CHRM2: variants seen among roughly 807,000 people sequenced by gnomAD.
CHRM2 encodes the protein cholinergic receptor muscarinic 2, also known as muscarinic acetylcholine receptor M2.
A neutral mutation model predicts 25.0 loss-of-function variants in CHRM2; 8 were observed. The ratio of observed to expected loss-of-function variants is 0.32; its 90% CI spans 0.19 to 0.58. CHRM2 has a LOEUF of 0.58. Among genes scored for constraint, CHRM2 ranks in the 20% least tolerant of loss-of-function variants. CHRM2 has a pLI of 0.88. For synonymous variants in CHRM2, 202 were observed against 205.7 expected, an observed-to-expected ratio of 0.98 and a Z score of 0.15; for missense variants, 440 against 567.1, an observed-to-expected ratio of 0.78 and a Z score of 2.28.
intron 2 of CHRM2, among the ~76,000 whole-genome samples, chr7:136,991,338 G>T (rs539183372): frequency 6.6e-6 from 1 of 152,144 alleles, no homozygotes; most frequent in African/African-American, 2.4e-5. Context: ...AGATTCATTG[G>T]TTTTTTGCAT....
At position 137,015,847 on chromosome 7, in the gene CHRM2, G is replaced by T; in HGVS notation, c.982G>T (p.Gly328Cys). 3 of 1,612,976 alleles carry T rather than the reference G, an allele frequency of 1.9e-6. No individual in the cohort carries two copies. Among genetic ancestry groups the T allele is most frequent in the Admixed American group, 1.7e-5 (1 of 59,912 alleles). ...CTCTAAGCAAACATGCATCAGAATT[G>T]GCACCAAGACCCCAAAAAGTGACTC... ...ENSKQTCIRI[G>C]TKTPKSDSCT... The change falls in exon 4 of 4, where the codon GGC becomes TGC. Residue 328 changes from glycine to cysteine, a missense_variant. Physicochemically the swap from Gly to Cys is radical, Grantham distance 159 (BLOSUM62 -3). This residue lies in a region of CHRM2 where 261 missense variants were observed against 261.8 expected (regional missense o/e 1.00). Coordinates refer to ENST00000680005, the MANE Select transcript of CHRM2 (RefSeq NM_001006630.2). The surrounding 1 kb of genome is among the most constrained non-coding windows in gnomAD (Gnocchi z 5.1).
Position 136,905,385 on chromosome 7 carries a change from TAA to T in CHRM2, c.-125+35970_-125+35971del, listed in dbSNP as rs1563057161. On this transcript the variant is annotated intron_variant, in intron 2 of 3. Transcript: ENST00000680005. ...TTCATTTATTTTTGTTCTTATTTTT[TAA>T]AATAAATCTACCTGATTTGTAGCTG... 2.0e-5 allele frequency among the ~76,000 whole-genome samples: 3 copies of T among 151,816 alleles called. No individual in the cohort carries two copies. The East Asian group carries it at 5.8e-4, about 29-fold the overall frequency.
Position 136,880,771 on chromosome 7 carries a change from T to C in CHRM2, c.-125+11353T>C, listed in dbSNP as rs141030561. 1.5e-3 allele frequency among the ~76,000 whole-genome samples: 234 copies of C among 151,944 alleles called. 1 individual carries two copies. Among genetic ancestry groups the C allele is most frequent in the African/African-American group, 5.1e-3 (213 of 41,494 alleles). ...CACCAGAGTGATACATTTGTTTCAA[T>C]TGATGAACTACATTGACACATCAGT... On this transcript the variant is annotated intron_variant, in intron 2 of 3. Coordinates refer to ENST00000680005, the MANE Select transcript of CHRM2 (RefSeq NM_001006630.2).
chr7:136,931,982 C>G (rs1799132388), intron 2 of CHRM2, among the ~76,000 whole-genome samples: 1 of 152,148 alleles, frequency 6.6e-6, no homozygotes. Context: ...TAGAAACCAG[C>G]ACAAAGGACA....
chr7:136,909,415 G>C (rs563841809), intron 2 of CHRM2, among the ~76,000 whole-genome samples: 1 of 151,886 alleles, frequency 6.6e-6, no homozygotes, highest in South Asian at 2.1e-4. Context: ...GCTGTTAAAG[G>C]GTTACTTTAT....
intron 3 of CHRM2, among the ~76,000 whole-genome samples, chr7:137,009,648 A>C (rs1804675024): frequency 6.6e-6 from 1 of 152,060 alleles, no homozygotes; most frequent in Non-Finnish European, 1.5e-5. Context: ...CCAAAAACTG[A>C]GTATTCATAG....
At chr7:136,871,147 C>G (rs544491400) in intron 2 of CHRM2, 1 of 153,476 alleles carries the variant, frequency 6.5e-6, no homozygotes, top group Non-Finnish European at 1.5e-5. Context: ...ACGCAGGGCT[C>G]TGCGGGTGGA....
chr7:136,975,528 T>A (rs927641786), intron 2 of CHRM2, among the ~76,000 whole-genome samples: 1 of 152,190 alleles, frequency 6.6e-6, no homozygotes, highest in African/African-American at 2.4e-5. Flanking sequence ...ACTTTTTAGG[T>A]TGGAAATACT....
At chr7:136,963,542 T>C (rs1801226416) in intron 2 of CHRM2, among the ~76,000 whole-genome samples, 1 of 152,148 alleles carries the variant, frequency 6.6e-6, no homozygotes, top group Admixed American at 6.5e-5. Context: ...TTTTCAAGGA[T>C]GAAAACTGAA....
intron 2 of CHRM2, among the ~76,000 whole-genome samples, chr7:136,955,667 T>C (rs1268368847): frequency 6.6e-6 from 1 of 152,198 alleles, no homozygotes; most frequent in Non-Finnish European, 1.5e-5. Context: ...TACTAGGACG[T>C]ATGGTCATTG....
At chr7:136,977,282 G>C (rs1466195826) in intron 2 of CHRM2, among the ~76,000 whole-genome samples, 1 of 152,084 alleles carries the variant, frequency 6.6e-6, no homozygotes, top group Non-Finnish European at 1.5e-5. Context: ...GATTTCTAAT[G>C]GTACAGGAAG....
chr7:136,920,524 A>T (rs895633087), intron 2 of CHRM2, among the ~76,000 whole-genome samples: 2 of 152,118 alleles, frequency 1.3e-5, no homozygotes, highest in African/African-American at 4.8e-5. Flanking sequence ...ACTGCAGCTT[A>T]GAACATCTCT....
chr7:136,931,816 T>A (rs1039896424), intron 2 of CHRM2, among the ~76,000 whole-genome samples: 3 of 152,222 alleles, frequency 2.0e-5, no homozygotes, highest in African/African-American at 7.2e-5. Flanking sequence ...AAAATACACT[T>A]TGAATCCAGA....
intron 2 of CHRM2, among the ~76,000 whole-genome samples, chr7:136,919,114 T>C (rs1184966469): frequency 1.3e-5 from 2 of 152,120 alleles, no homozygotes; most frequent in African/African-American, 4.8e-5. Context: ...CCCTAAGACA[T>C]GTTATAATAT....
intron 2 of CHRM2, among the ~76,000 whole-genome samples, chr7:136,896,860 G>A (rs921312911): frequency 1.3e-5 from 2 of 152,098 alleles, no homozygotes; most frequent in African/African-American, 4.8e-5. Flanking sequence ...GGTTAGGAAA[G>A]TGAAACGTCA....
intron 2 of CHRM2, among the ~76,000 whole-genome samples, chr7:136,875,796 A>G (rs916953835): frequency 6.6e-6 from 1 of 152,200 alleles, no homozygotes; most frequent in Non-Finnish European, 1.5e-5. Context: ...CCAACTGCAC[A>G]AGGAAAGAAT....
At chr7:136,938,740 G>C (rs1392891791) in intron 2 of CHRM2, among the ~76,000 whole-genome samples, 1 of 151,950 alleles carries the variant, frequency 6.6e-6, no homozygotes, top group African/African-American at 2.4e-5. Flanking sequence ...CCCAGAGCCT[G>C]GGAGGGAGGC....
In CHRM2 at chr7:136,946,651, T is replaced by C. The variant is rs978154256; in HGVS notation, c.-124-45536T>C. Among the ~76,000 whole-genome samples the C allele has an allele frequency of 5.8e-4, 88 of 152,326 alleles. 1 individual carries two copies. The highest frequency in any genetic ancestry group is 2.1e-3 in the African/African-American group (88 of 41,580). On this transcript the variant is annotated intron_variant, in intron 2 of 3. Coordinates refer to ENST00000680005, the MANE Select transcript of CHRM2 (RefSeq NM_001006630.2). ...AATGTATACTTTAGCTTAATACCTG[T>C]ATTTTCTGCGCTTCTTTCTATTTAA...
chr7:136,876,632 C>A lies in CHRM2; in HGVS notation c.-125+7214C>A, dbSNP rs1052102252. Among the ~76,000 whole-genome samples, 3 of 151,992 alleles carry A rather than the reference C, an allele frequency of 2.0e-5. No homozygotes were observed. In the East Asian group the frequency reaches 5.8e-4, roughly 29 times the overall value. ...TTTCCAGCACATGGACAATGAGTAA[C>A]AGCAACAATAAAACTGAGGATCTAC... On this transcript the variant is annotated intron_variant, in intron 2 of 3. Coordinates refer to ENST00000680005, the MANE Select transcript of CHRM2 (RefSeq NM_001006630.2).
Sources: gnomAD v4.1 joint callset for allele counts (sites outside exome capture counted in the v4.1 genomes callset) on GRCh38, gnomAD v4.1.1 for gene constraint, gnomAD v4.1.1 regional missense constraint, Gnocchi (gnomAD v3.1) non-coding constraint, MANE v1.5 for transcripts, NCBI Gene and HGNC (gene_info 2026-07-23, HGNC 2026-07-21) for gene names.